Variants in ATP8B4 observed in about 807,000 individuals in gnomAD.
ATP8B4 encodes ATPase phospholipid transporting 8B4 (putative), also known as probable phospholipid-transporting ATPase IM.
In ATP8B4, 133 loss-of-function variants were observed where a neutral mutation model predicts 145.6. The observed-to-expected ratio is 0.91, with a 90% CI of 0.79 to 1.05. The LOEUF (loss-of-function observed/expected upper bound fraction) is 1.05. ATP8B4 is among the 50% of genes least tolerant of loss of function. The probability of loss-of-function intolerance (pLI) is 0.00; values close to 1 mark genes in which losing one functional copy is unlikely to be tolerated. For synonymous variants in ATP8B4, 507 were observed against 492.9 expected (o/e 1.03, Z -0.38); for missense variants, 1,458 against 1,425.2 (o/e 1.02, Z -0.37).
intron 14 of ATP8B4, among the ~76,000 whole-genome samples, chr15:49,952,193 G>A (rs1273261449): frequency 6.6e-6 from 1 of 152,170 alleles, no homozygotes; most frequent in East Asian, 1.9e-4. Context: ...TTCTCGTGGA[G>A]TATCTTAATG....
At chr15:49,973,450 CATTCT>C (rs1341865117) in intron 12 of ATP8B4, among the ~76,000 whole-genome samples, 1 of 152,114 alleles carries the variant, frequency 6.6e-6, no homozygotes, top group East Asian at 1.9e-4. Context: ...CTATTGAGAA[CATTCT>C]CTCCAATACA....
At chr15:50,148,235 A>G (rs2044303880) in intron 1 of ATP8B4, among the ~76,000 whole-genome samples, 1 of 152,214 alleles carries the variant, frequency 6.6e-6, no homozygotes, top group African/African-American at 2.4e-5. Flanking sequence ...GTTAATGTCA[A>G]TTAAAGACCA....
Position 50,002,180 on chromosome 15 carries a change from C to T in ATP8B4, c.479G>A (p.Cys160Tyr), listed in dbSNP as rs932725631. Residue 160 changes from cysteine (C) to tyrosine (Y), a missense_variant, in exon 8 of 28, where the codon TGT becomes TAT. Coordinates refer to ENST00000284509, the MANE Select transcript of ATP8B4 (RefSeq NM_024837.4). ...ATCAAGCTCAGCAGTTTCAACATAA[C>T]AGAGACCATGTGGCTCACTACTTGA... The part of the protein sequence containing the change: ...LLSSSEPHGL[C>Y]YVETAELDGE... The T allele has an allele frequency of 1.1e-5, 17 of 1,610,942 alleles. No homozygotes were observed. The Admixed American group carries it at 2.0e-4, about 19-fold the overall frequency.
At chr15:50,104,287 G>C (rs1270898873) in intron 2 of ATP8B4, among the ~76,000 whole-genome samples, 1 of 151,896 alleles carries the variant, frequency 6.6e-6, no homozygotes, top group Admixed American at 6.6e-5. Flanking sequence ...TCAGCCAATA[G>C]ACAACCCACA....
chr15:49,929,221 C>G (rs1468858929), intron 16 of ATP8B4, among the ~76,000 whole-genome samples: 1 of 152,116 alleles, frequency 6.6e-6, no homozygotes, highest in African/African-American at 2.4e-5. Context: ...CTGCCTCTTA[C>G]CCAACTGCGC....
intron 3 of ATP8B4, among the ~76,000 whole-genome samples, chr15:50,065,242 AG>A (rs1486931976): frequency 3.9e-5 from 6 of 152,316 alleles, no homozygotes; most frequent in African/African-American, 1.4e-4. Flanking sequence ...GTCAAAAAAA[AG>A]AAACTACATA....
intron 21 of ATP8B4, among the ~76,000 whole-genome samples, chr15:49,900,890 A>C (rs781540915): frequency 4.6e-5 from 7 of 152,066 alleles, no homozygotes; most frequent in Non-Finnish European, 8.8e-5. Context: ...CCTCCCCTTT[A>C]CTGTGGTGAT....
chr15:49,981,365 A>C (rs1027224262), intron 10 of ATP8B4, 71 bp from the exon 11 acceptor site: 44 of 1,155,976 alleles, frequency 3.8e-5, no homozygotes, highest in Non-Finnish European at 4.8e-5. Flanking sequence ...GCTCATATCA[A>C]ATGTCTCTGA....
intron 2 of ATP8B4, among the ~76,000 whole-genome samples, chr15:50,086,172 T>G (rs1183847528): frequency 5.4e-5 from 6 of 111,796 alleles, no homozygotes; most frequent in African/African-American, 7.6e-5. Flanking sequence ...TAAAATAATA[T>G]AGAGATCTAT....
chr15:49,960,650 C>G (rs55989998), intron 14 of ATP8B4, among the ~76,000 whole-genome samples: 2,943 of 152,188 alleles, frequency 0.019, 92 homozygotes, highest in African/African-American at 0.067. Flanking sequence ...AAGTGATAAA[C>G]TCAATTACAT....
intron 11 of ATP8B4, among the ~76,000 whole-genome samples, chr15:49,980,642 A>G (rs1324997480): frequency 6.6e-6 from 1 of 152,204 alleles, no homozygotes; most frequent in Non-Finnish European, 1.5e-5. Flanking sequence ...GTGAGGGAGG[A>G]GAACTGTGAG....
chr15:50,141,182 A>G (rs1433432913), intron 1 of ATP8B4, among the ~76,000 whole-genome samples: 4 of 152,186 alleles, frequency 2.6e-5, no homozygotes, highest in African/African-American at 9.7e-5. Context: ...AGCCACAGAA[A>G]GAGCGGCGAC....
At chr15:50,072,972 CTCTCTCTCTATATATATATATATATA>C (rs2053895416) in intron 3 of ATP8B4, among the ~76,000 whole-genome samples, 7 of 30,208 alleles carry the variant, frequency 2.3e-4, no homozygotes, top group South Asian at 1.3e-3. Context: ...CTCTCTCTCT[CTCTCTCTCTATATATATATATATATA>C]TATATATATA....
At position 49,897,507 on chromosome 15, in the gene ATP8B4, T is replaced by G; in HGVS notation, c.2482A>C (p.Ile828Leu). Residue 828 changes from isoleucine to leucine, a missense_variant, in exon 23 of 28, where the codon ATT (isoleucine) becomes CTT (leucine). Physicochemically the swap from Ile to Leu is conservative, Grantham distance 5. Coordinates refer to ENST00000284509, the MANE Select transcript of ATP8B4 (RefSeq NM_024837.4). ...NDVSMIKSAH[I>L]GVGISGQEGL... ...TCCTGGCCGCTGATGCCAACACCAATGTGAGCACCTACAAAGGAAAGAGGA... is the reference window on the plus strand; with the variant it reads ...TCCTGGCCGCTGATGCCAACACCAAGGTGAGCACCTACAAAGGAAAGAGGA... 2.6e-6 allele frequency: 4 copies of G among 1,546,018 alleles called. No individual in the cohort carries two copies. Among genetic ancestry groups the G allele is most frequent in the Non-Finnish European group, 3.5e-6 (4 of 1,145,946 alleles).
intron 6 of ATP8B4, among the ~76,000 whole-genome samples, chr15:50,035,094 T>G (rs1198258676): frequency 1.3e-5 from 2 of 152,096 alleles, no homozygotes; most frequent in Non-Finnish European, 2.9e-5. Flanking sequence ...TTTCACATAT[T>G]ACAACAGTTT....
At chr15:50,045,470 G>A (rs1187717879) in intron 4 of ATP8B4, among the ~76,000 whole-genome samples, 1 of 152,120 alleles carries the variant, frequency 6.6e-6, no homozygotes, top group Non-Finnish European at 1.5e-5. Flanking sequence ...TTTCAAATGG[G>A]ATTCATTTGA....
intron 1 of ATP8B4, among the ~76,000 whole-genome samples, chr15:50,139,854 T>C (rs2044182795): frequency 6.6e-6 from 1 of 152,224 alleles, no homozygotes; most frequent in Non-Finnish European, 1.5e-5. Flanking sequence ...TGAGTCCAAC[T>C]GCACAGCAAG....
At chr15:49,862,614 G>A (rs572250631) in intron 26 of ATP8B4, among the ~76,000 whole-genome samples, 4 of 151,932 alleles carry the variant, frequency 2.6e-5, no homozygotes, top group Non-Finnish European at 4.4e-5. Flanking sequence ...CCGCCACCAC[G>A]CCCGGCTAAT....
intron 8 of ATP8B4, among the ~76,000 whole-genome samples, chr15:50,000,461 C>T (rs1432102561): frequency 6.6e-6 from 1 of 152,074 alleles, no homozygotes; most frequent in African/African-American, 2.4e-5. Context: ...TGTTGAGCAT[C>T]TTTTCATGTG....
Sources: gnomAD v4.1 joint callset for allele counts (sites outside exome capture counted in the v4.1 genomes callset) on GRCh38, gnomAD v4.1.1 for gene constraint, MANE v1.5 for transcripts, NCBI Gene and HGNC (gene_info 2026-07-23, HGNC 2026-07-21) for gene names.